Variants in C16orf89 observed in about 807,000 individuals in gnomAD.
C16orf89 encodes UPF0764 protein C16orf89.
In C16orf89, 57 loss-of-function variants were observed where a neutral mutation model predicts 41.5. The ratio of observed to expected loss-of-function variants is 1.38; its 90% CI spans 1.11 to 1.71. C16orf89 has a LOEUF of 1.71. Ranked by LOEUF, C16orf89 falls within the 40% of genes most tolerant of loss-of-function variation. C16orf89 has a pLI of 0.00. For missense variants in C16orf89, 575 were observed against 445.9 expected, an observed-to-expected ratio of 1.29 and a Z score of -2.61; for synonymous variants, 223 against 190.6, an observed-to-expected ratio of 1.17 and a Z score of -1.40.
chr16:5,054,609 A>G (rs781487680), intron 6 of C16orf89, among the ~76,000 whole-genome samples: 4 of 152,144 alleles, frequency 2.6e-5, no homozygotes, highest in Admixed American at 6.6e-5. Flanking sequence ...TGGGTGCTCA[A>G]TACGTACTTG....
At chr16:5,058,844 T>C (rs1008467136) in intron 3 of C16orf89, among the ~76,000 whole-genome samples, 3 of 152,104 alleles carry the variant, frequency 2.0e-5, no homozygotes, top group African/African-American at 7.2e-5. Flanking sequence ...CCACCAAGGC[T>C]GAAACTTCCT....
chr16:5,056,499 G>A (rs577783787), intron 4 of C16orf89, among the ~76,000 whole-genome samples: 49 of 152,278 alleles, frequency 3.2e-4, no homozygotes, highest in Non-Finnish European at 6.6e-4. Flanking sequence ...AGGGGCTCTC[G>A]TAGGGGGATG....
At chr16:5,056,587 G>GTA (rs982421405) in intron 4 of C16orf89, among the ~76,000 whole-genome samples, 6 of 152,232 alleles carry the variant, frequency 3.9e-5, no homozygotes, top group Admixed American at 3.9e-4. Flanking sequence ...GCAATGCAAT[G>GTA]TACAACGAGC....
At chr16:5,060,969 T>TA in intron 2 of C16orf89, among the ~76,000 whole-genome samples, 1 of 146,284 alleles carries the variant, frequency 6.8e-6, no homozygotes, top group Non-Finnish European at 1.5e-5. Context: ...TTTTTTTTTT[T>TA]AAGAGGCAGG....
chr16:5,055,916 T>C, intron 5 of C16orf89, 137 bp downstream of exon 5: 1 of 1,291,378 alleles, frequency 7.7e-7, no homozygotes, highest in Non-Finnish European at 1.1e-6. Context: ...TCTGTATTTT[T>C]ACTTGCTTAA....
At chr16:5,046,574 C>G (rs1372799428) in intron 7 of C16orf89, among the ~76,000 whole-genome samples, 1 of 152,114 alleles carries the variant, frequency 6.6e-6, no homozygotes, top group Non-Finnish European at 1.5e-5. Context: ...TGGTCTCAAA[C>G]TTCTGACCTC....
Position 5,060,379 on chromosome 16 carries a change from G to C in C16orf89, c.416C>G (p.Thr139Ser), listed in dbSNP as rs373894585. 1.9e-6 allele frequency: 3 copies of C among 1,613,432 alleles called. No individual in the cohort carries two copies. The highest frequency in any genetic ancestry group is 2.5e-6 in the Non-Finnish European group (3 of 1,179,778). Residue 139 changes from threonine to serine, a missense_variant, in exon 3 of 8, where the codon ACT (threonine) becomes AGT (serine). Thr to Ser is a moderately conservative substitution (Grantham distance 58, BLOSUM62 1). Transcript: ENST00000472572. ...FWKLPHAWIH[T>S]DASLVYPTFG... ...CGTGGGGTACACCAAGGAGGCATCA[G>C]TGTGGATCCAGGCATGTGGGAGCTT...
intron 5 of C16orf89, chr16:5,055,726 T>G (rs1383292850): frequency 6.5e-7 from 1 of 1,532,962 alleles, no homozygotes; most frequent in Admixed American, 2.0e-5. Context: ...GGGGCAGCCT[T>G]TGGGGGCAGG....
chr16:5,057,304 A>G lies in C16orf89; in HGVS notation c.628-1116T>C, dbSNP rs563036140. Among the ~76,000 whole-genome samples the G allele has an allele frequency of 1.0e-4, 15 of 146,004 alleles. No individual in the cohort carries two copies. In the South Asian group the frequency reaches 2.6e-3, roughly 25 times the overall value. ...TATATATATATGTGTATATATATAT[A>G]TAGTGGTATATATATACATAGTGGT... is the stretch of plus-strand genomic sequence containing the variant. On this transcript the variant is annotated intron_variant, in intron 4 of 7. Transcript: ENST00000472572.
At chr16:5,055,781 A>G in intron 5 of C16orf89, 1 of 1,495,302 alleles carries the variant, frequency 6.7e-7, no homozygotes, top group South Asian at 1.2e-5. Context: ...GCCCAGTTAC[A>G]TTTGAGTTTT....
At chr16:5,060,499 C>G in intron 2 of C16orf89, 63 bp from the exon 3 acceptor site, 1 of 1,495,918 alleles carries the variant, frequency 6.7e-7, no homozygotes, top group Non-Finnish European at 9.1e-7. Context: ...GTGGGCCACC[C>G]TGGTGTCCCC....
At chr16:5,054,645 C>G (rs191400209) in intron 6 of C16orf89, among the ~76,000 whole-genome samples, 1 of 152,146 alleles carries the variant, frequency 6.6e-6, no homozygotes, top group Non-Finnish European at 1.5e-5. Context: ...TGTGGTTTGG[C>G]TGTGTCCCCA....
chr16:5,055,688 T>C, intron 5 of C16orf89: 4 of 1,535,370 alleles, frequency 2.6e-6, no homozygotes, highest in Non-Finnish European at 3.5e-6. Context: ...GCCAGTCACC[T>C]GGTCCATCTG....
chr16:5,045,982 C>T (rs1008368100), intron 7 of C16orf89, among the ~76,000 whole-genome samples: 1 of 152,186 alleles, frequency 6.6e-6, no homozygotes, highest in Non-Finnish European at 1.5e-5. Flanking sequence ...GTGTTGGGCT[C>T]TGGGGACGGG....
chr16:5,061,606 A>T (rs1204892820), intron 2 of C16orf89, among the ~76,000 whole-genome samples: 1 of 151,650 alleles, frequency 6.6e-6, no homozygotes, highest in Non-Finnish European at 1.5e-5. Context: ...AACTAAACAG[A>T]TGCCCAGTCA....
At position 5,044,352 on chromosome 16, in the gene C16orf89, C is replaced by T. The variant is rs373235222; in HGVS notation, c.1082G>A (p.Arg361His). The part of the protein sequence containing the change: ...HPSTPPPPSS[R>H] ...GCTGGCATGGAACCGTCCGTCTCAGCGGCTGCTTGGTGGTGGCGGTGTGGA... is the reference window on the plus strand; with the variant it reads ...GCTGGCATGGAACCGTCCGTCTCAGTGGCTGCTTGGTGGTGGCGGTGTGGA... The change falls in exon 8 of 8, where the codon CGC (arginine) becomes CAC (histidine). Residue 361 changes from arginine (R) to histidine (H), a missense_variant. Transcript: ENST00000472572. The T allele has an allele frequency of 2.4e-5, 39 of 1,602,262 alleles. No homozygotes were observed. Among genetic ancestry groups the T allele is most frequent in the Non-Finnish European group, 2.8e-5 (33 of 1,175,166 alleles).
chr16:5,045,299 C>G (rs530857809), intron 7 of C16orf89, among the ~76,000 whole-genome samples: 1 of 152,348 alleles, frequency 6.6e-6, no homozygotes, highest in South Asian at 2.1e-4. Flanking sequence ...TTCCTGACCC[C>G]AGTGGCCTTC....
Position 5,064,319 on chromosome 16 carries a change from T to C in C16orf89, c.208+1382A>G, listed in dbSNP as rs114982069. ...GTAGACCCTGCCCACTGGGAGCTCA[T>C]TGTTTAGAGAGACACAGGTGAGGAA... On this transcript the variant is annotated intron_variant, in intron 1 of 7. Coordinates refer to ENST00000472572, the MANE Select transcript of C16orf89 (RefSeq NM_001098514.3). 8.6e-3 allele frequency among the ~76,000 whole-genome samples: 1,305 copies of C among 152,286 alleles called. 15 individuals are homozygous for C. Among genetic ancestry groups the C allele is most frequent in the African/African-American group, 0.03 (1,241 of 41,544 alleles).
At chr16:5,048,865 G>A (rs1003666342) in intron 6 of C16orf89, among the ~76,000 whole-genome samples, 6 of 151,722 alleles carry the variant, frequency 4.0e-5, no homozygotes, top group Non-Finnish European at 7.4e-5. Flanking sequence ...GTCCTCACAA[G>A]CCAATAATAA....
Sources: allele counts gnomAD v4.1 joint callset (sites outside exome capture counted in the v4.1 genomes callset), GRCh38; gene constraint gnomAD v4.1.1; transcripts MANE v1.5; gene names NCBI Gene and HGNC (gene_info 2026-07-23, HGNC 2026-07-21).